Variants in HMCN1 observed in about 807,000 individuals in gnomAD.
HMCN1 encodes hemicentin-1.
A neutral mutation model predicts 625.9 loss-of-function variants in HMCN1; 321 were observed. The observed-to-expected ratio is 0.51, with a 90% CI of 0.47 to 0.56. The LOEUF is 0.56. Ranked by LOEUF, HMCN1 falls within the 20% of genes least tolerant of loss-of-function variation. The pLI is 0.00. For missense variants in HMCN1, 6,588 were observed against 6,887.3 expected (o/e 0.96, Z 1.54); for synonymous variants, 2,425 against 2,417.6 (o/e 1.00, Z -0.09).
intron 75 of HMCN1, 30 bp from the exon 76 acceptor site, chr1:186,116,964 G>A (rs1210393728): frequency 1.2e-6 from 2 of 1,610,450 alleles, no homozygotes; most frequent in East Asian, 4.5e-5. Flanking sequence ...CCTACATATA[G>A]TATCTCATGC....
At chr1:186,045,159 CAATT>C (rs575284603) in intron 40 of HMCN1, among the ~76,000 whole-genome samples, 12 of 152,234 alleles carry the variant, frequency 7.9e-5, no homozygotes, top group Middle Eastern at 3.4e-3. Context: ...GCTTTACCAT[CAATT>C]AGTCATATTA....
At chr1:186,096,292 C>T (rs1660135337) in intron 68 of HMCN1, among the ~76,000 whole-genome samples, 1 of 152,108 alleles carries the variant, frequency 6.6e-6, no homozygotes, top group South Asian at 2.1e-4. Context: ...AAAATTTATT[C>T]ATGTAACCCT....
chr1:186,132,390 C>T lies in HMCN1; in HGVS notation c.13293C>T (p.Ser4431=), dbSNP rs1392370325. ...ATNEAGVVER[S]MSLTLQSPPI... is the part of the protein sequence containing the mutation. ...ATGAAGCTGGGGTGGTGGAGCGCAG[C>T]ATGAGTCTGACTCTGCAAAGTAAGC... The change falls in exon 86 of 107, where the codon AGC becomes AGT. Residue 4431 remains serine, a synonymous_variant. Transcript: ENST00000271588. The T allele has an allele frequency of 6.2e-7, 1 of 1,611,996 alleles. No homozygotes were observed. The highest frequency in any genetic ancestry group is 1.7e-5 in the Admixed American group (1 of 59,806).
At chr1:185,770,654 TA>T (rs1279095195) in intron 1 of HMCN1, among the ~76,000 whole-genome samples, 36 of 152,210 alleles carry the variant, frequency 2.4e-4, no homozygotes. Context: ...TTCAGCCCAA[TA>T]AACTGTTTCT....
intron 48 of HMCN1, among the ~76,000 whole-genome samples, chr1:186,063,507 AAGGAAGGG>A (rs1462592569): frequency 8.8e-6 from 1 of 114,278 alleles, no homozygotes; most frequent in Admixed American, 9.4e-5. Flanking sequence ...GGAAGGAAGG[AAGGAAGGG>A]AGTCTTTTCC....
chr1:186,025,529 G>T (rs1655006814), intron 36 of HMCN1, among the ~76,000 whole-genome samples: 1 of 152,202 alleles, frequency 6.6e-6, no homozygotes, highest in African/African-American at 2.4e-5. Flanking sequence ...CTAAAGACTG[G>T]CCTGAAGACT....
chr1:186,135,239 A>T (rs1042825605), intron 86 of HMCN1, among the ~76,000 whole-genome samples: 3 of 152,184 alleles, frequency 2.0e-5, no homozygotes, highest in African/African-American at 7.2e-5. Flanking sequence ...AGCCATTGTC[A>T]TTCACTATAG....
rs1238703121 is a variant in HMCN1, at chr1:185,933,589, C to T, written c.1593C>T (p.Val531=). ...PVIQVPNNVT[V]TPGERAVLTC... is the part of the protein sequence containing the mutation. ...TCCAAGTGCCTAACAATGTTACAGTCACTCCTGGAGAGAGAGCAGTTTTAA... is the reference window on the plus strand; with the variant it reads ...TCCAAGTGCCTAACAATGTTACAGTTACTCCTGGAGAGAGAGCAGTTTTAA... Residue 531 remains valine, a synonymous_variant, in exon 11 of 107, where the codon GTC becomes GTT. Coordinates refer to ENST00000271588, the MANE Select transcript of HMCN1 (RefSeq NM_031935.3). 5 of 1,613,948 alleles carry T rather than the reference C, an allele frequency of 3.1e-6. No individual in the cohort carries two copies. The highest frequency in any genetic ancestry group is 1.7e-4 in the Middle Eastern group (1 of 6,058).
chr1:185,927,433 T>C (rs1466746541), intron 9 of HMCN1, among the ~76,000 whole-genome samples: 2 of 152,196 alleles, frequency 1.3e-5, no homozygotes, highest in Non-Finnish European at 2.9e-5. Context: ...AAGGAAGCAA[T>C]GTTTAACTAA....
At chr1:185,955,287 A>T (rs1323241932) in intron 11 of HMCN1, among the ~76,000 whole-genome samples, 1 of 152,214 alleles carries the variant, frequency 6.6e-6, no homozygotes, top group South Asian at 2.1e-4. Flanking sequence ...ACCCCAGAAT[A>T]AAATTTACAC....
chr1:185,940,059 G>A (rs1668006230), intron 11 of HMCN1, among the ~76,000 whole-genome samples: 1 of 152,198 alleles, frequency 6.6e-6, no homozygotes, highest in African/African-American at 2.4e-5. Context: ...GTTCTGTTAG[G>A]TATAAAAATA....
chr1:186,078,980 T>A (rs1393606515), intron 55 of HMCN1, among the ~76,000 whole-genome samples: 2 of 152,190 alleles, frequency 1.3e-5, no homozygotes, highest in African/African-American at 4.8e-5. Context: ...GCTGACATTG[T>A]CAAGGACAGT....
chr1:185,777,772 T>A (rs1259329385), intron 1 of HMCN1, among the ~76,000 whole-genome samples: 1 of 152,228 alleles, frequency 6.6e-6, no homozygotes, highest in Non-Finnish European at 1.5e-5. Flanking sequence ...ATCTTATTTA[T>A]GTTAGACATA....
rs547205115 is a variant in HMCN1, at chr1:186,170,157, G to A, written c.15575-1180G>A. 2.0e-5 allele frequency among the ~76,000 whole-genome samples: 3 copies of A among 152,272 alleles called. No individual in the cohort carries two copies. The South Asian group carries it at 6.2e-4, about 32-fold the overall frequency. ...AAGTTAGAATGGCAATCATTAAAAAGTCAGGAAACAACAAGATGCTGGAGA... is the reference window on the plus strand; with the variant it reads ...AAGTTAGAATGGCAATCATTAAAAAATCAGGAAACAACAAGATGCTGGAGA... On this transcript the variant is annotated intron_variant, in intron 100 of 106. Coordinates refer to ENST00000271588, the MANE Select transcript of HMCN1 (RefSeq NM_031935.3).
At chr1:185,983,310 C>G (rs1016405068) in intron 18 of HMCN1, among the ~76,000 whole-genome samples, 2 of 152,068 alleles carry the variant, frequency 1.3e-5, no homozygotes, top group Non-Finnish European at 2.9e-5. Context: ...GAGACTCACT[C>G]TCTTCTTGAA....
At chr1:185,779,156 G>A (rs565558317) in intron 1 of HMCN1, among the ~76,000 whole-genome samples, 20 of 152,294 alleles carry the variant, frequency 1.3e-4, no homozygotes, top group Non-Finnish European at 2.8e-4. Context: ...TTTGAGAAGT[G>A]TCTGTTCATA....
intron 1 of HMCN1, among the ~76,000 whole-genome samples, chr1:185,741,376 T>G (rs1189479976): frequency 1.3e-5 from 2 of 152,186 alleles, no homozygotes; most frequent in African/African-American, 4.8e-5. Flanking sequence ...GATTTTTAGG[T>G]GTTAAAGTCT....
At chr1:186,179,191 T>G (rs1032852538) in intron 104 of HMCN1, among the ~76,000 whole-genome samples, 4 of 152,234 alleles carry the variant, frequency 2.6e-5, no homozygotes, top group Admixed American at 2.6e-4. Context: ...CTCGGTCGAC[T>G]GCTTGTTCTG....
At position 186,137,627 on chromosome 1, in the gene HMCN1, C is replaced by T; in HGVS notation, c.13712C>T (p.Ser4571Leu). Residue 4571 changes from serine (S) to leucine (L), a missense_variant, in exon 88 of 107, where the codon TCA becomes TTA. Ser to Leu is a moderately radical substitution (Grantham distance 145). Transcript: ENST00000271588. The part of the protein sequence containing the change: ...PANGGKPCQG[S>L]DLEMRNCQNK... ...AATGGTGGGAAGCCCTGCCAAGGTT[C>T]AGATTTGGAAATGCGAAACTGTCAA... 6.2e-7 allele frequency: 1 copy of T among 1,614,032 alleles called. No homozygotes were observed. The highest frequency in any genetic ancestry group is 8.5e-7 in the Non-Finnish European group (1 of 1,179,968).
Sources: gnomAD v4.1 joint callset for allele counts (sites outside exome capture counted in the v4.1 genomes callset) on GRCh38, gnomAD v4.1.1 for gene constraint, MANE v1.5 for transcripts, NCBI Gene and HGNC (gene_info 2026-07-23, HGNC 2026-07-21) for gene names.